Variants in FRAS1 observed in about 807,000 individuals in gnomAD.
FRAS1 encodes the protein Fraser extracellular matrix complex subunit 1, also known as extracellular matrix organizing protein FRAS1.
Under a neutral mutation model 435.2 loss-of-function variants are expected in FRAS1, and 290 were observed. The ratio of observed to expected loss-of-function variants is 0.67; its 90% CI spans 0.61 to 0.73. FRAS1 has a LOEUF of 0.73. Among genes scored for constraint, FRAS1 ranks in the 30% least tolerant of loss-of-function variants. The probability of loss-of-function intolerance (pLI) is 0.00; values close to 1 mark genes in which losing one functional copy is unlikely to be tolerated. For synonymous variants in FRAS1, 1,800 were observed against 1,851.0 expected, an observed-to-expected ratio of 0.97 and a Z score of 0.71; for missense variants, 4,860 against 5,001.5, an observed-to-expected ratio of 0.97 and a Z score of 0.85.
chr4:78,163,921 AT>A (rs1578161438), intron 2 of FRAS1, among the ~76,000 whole-genome samples: 1 of 152,296 alleles, frequency 6.6e-6, no homozygotes. Flanking sequence ...TCTGACAAAG[AT>A]GGTAGCAGAA....
At chr4:78,140,969 G>T (rs1296067801) in intron 2 of FRAS1, among the ~76,000 whole-genome samples, 1 of 152,096 alleles carries the variant, frequency 6.6e-6, no homozygotes, top group African/African-American at 2.4e-5. Context: ...ATGATAAAAG[G>T]TGGGTGATGG....
At position 78,475,079 on chromosome 4, in the gene FRAS1, C is replaced by T. The variant is rs144329530; in HGVS notation, c.7683-359C>T. On this transcript the variant is annotated intron_variant, in intron 53 of 73. Coordinates refer to ENST00000512123, the MANE Select transcript of FRAS1 (RefSeq NM_025074.7). ...AGAGCAGCTTTCTTCCCTAAGAACC[C>T]ACTGACCTATTGTGATTACTCAACC... 1.2e-3 allele frequency among the ~76,000 whole-genome samples: 182 copies of T among 152,258 alleles called. 6 individuals carry two copies. In the East Asian group the frequency reaches 0.03, roughly 25 times the overall value.
At chr4:78,180,265 C>CAT (rs1259107579) in intron 2 of FRAS1, among the ~76,000 whole-genome samples, 2 of 151,514 alleles carry the variant, frequency 1.3e-5, no homozygotes, top group Admixed American at 6.6e-5. Flanking sequence ...AAAGATTTAG[C>CAT]ATATATATAT....
intron 2 of FRAS1, among the ~76,000 whole-genome samples, chr4:78,140,729 A>G (rs1560546161): frequency 6.7e-6 from 1 of 149,096 alleles, no homozygotes; most frequent in Admixed American, 6.7e-5. Context: ...ATATGTATAT[A>G]CGTGTGTGTA....
chr4:78,395,161 A>C (rs1157243418), intron 29 of FRAS1, among the ~76,000 whole-genome samples: 1 of 151,890 alleles, frequency 6.6e-6, no homozygotes, highest in Non-Finnish European at 1.5e-5. Flanking sequence ...CTTCCTTTCC[A>C]ATTTGGATAC....
At chr4:78,183,639 T>C (rs188963499) in intron 2 of FRAS1, among the ~76,000 whole-genome samples, 1 of 152,280 alleles carries the variant, frequency 6.6e-6, no homozygotes, top group African/African-American at 2.4e-5. Flanking sequence ...GCTAAAGAAG[T>C]GCAGGCTTCT....
chr4:78,240,841 A>G (rs966213763), intron 3 of FRAS1, among the ~76,000 whole-genome samples: 4 of 152,226 alleles, frequency 2.6e-5, no homozygotes, highest in African/African-American at 7.2e-5. Flanking sequence ...TTGAGAAGCC[A>G]TGGTCAGAGG....
At chr4:78,403,502 G>T (rs1732981633) in intron 30 of FRAS1, among the ~76,000 whole-genome samples, 1 of 152,122 alleles carries the variant, frequency 6.6e-6, no homozygotes, top group Admixed American at 6.6e-5. Context: ...AAATCTGCTT[G>T]CATCTATCAG....
intron 2 of FRAS1, among the ~76,000 whole-genome samples, chr4:78,130,093 C>T (rs968181390): frequency 1.3e-5 from 2 of 152,138 alleles, no homozygotes; most frequent in Non-Finnish European, 2.9e-5. Context: ...TACTTTTCCC[C>T]CACCCTTAAA....
Position 78,387,426 on chromosome 4 carries a change from G to T in FRAS1, c.3700G>T (p.Ala1234Ser). The change falls in exon 29 of 74, where the codon GCA becomes TCA. Residue 1234 changes from alanine (A) to serine (S), a missense_variant. Transcript: ENST00000512123. ...EVLHISRGER[A>S]TITTQMLDIR... is the part of the protein sequence containing the mutation. ...TCTCCACATTAGCAGAGGAGAGAGG[G>T]CAACCATCACCACCCAGATGCTTGA... 1 of 1,613,392 alleles carries T rather than the reference G, an allele frequency of 6.2e-7. No homozygotes were observed. Among genetic ancestry groups the T allele is most frequent in the Non-Finnish European group, 8.5e-7 (1 of 1,179,624 alleles).
At chr4:78,468,485 A>ACATCATCATCATCAT (rs11267487) in intron 50 of FRAS1, among the ~76,000 whole-genome samples, 28,744 of 150,056 alleles carry the variant, frequency 0.19, 3,266 homozygotes, top group Admixed American at 0.25. Context: ...GAAGCTGTAA[A>ACATCATCATCATCAT]CATCATCATC....
intron 7 of FRAS1, among the ~76,000 whole-genome samples, chr4:78,266,160 T>G (rs1726343353): frequency 6.6e-6 from 1 of 152,192 alleles, no homozygotes; most frequent in African/African-American, 2.4e-5. Flanking sequence ...CTGCAGGGTT[T>G]CTCAATTCAG....
rs1036357322 is a variant in FRAS1, at chr4:78,278,859, G to A, written c.1071+115G>A. ...ATTCATTTGTTCAACAAATGTTATTGTGCACCTACTGTACAACAGGCTCTG... is the reference window on the plus strand; with the variant it reads ...ATTCATTTGTTCAACAAATGTTATTATGCACCTACTGTACAACAGGCTCTG... On this transcript the variant is annotated intron_variant, in intron 10 of 73. Coordinates refer to ENST00000512123, the MANE Select transcript of FRAS1 (RefSeq NM_025074.7). 3.1e-5 allele frequency: 21 copies of A among 681,498 alleles called. No homozygotes were observed. In the East Asian group the frequency reaches 5.8e-4, roughly 19 times the overall value. 42.2% of individuals were successfully genotyped at this position (681,498 alleles called of 1,614,324 possible). A position where few individuals can be genotyped will look rare whatever the true frequency, so the allele number is the denominator to read the frequency against.
rs139737710 is a variant in FRAS1 at position 78,354,278 on chromosome 4, G to A, written c.2423-9235G>A. 1.8e-3 allele frequency among the ~76,000 whole-genome samples: 272 copies of A among 152,222 alleles called. 3 individuals are homozygous for A. Among genetic ancestry groups the A allele is most frequent in the African/African-American group, 5.9e-3 (243 of 41,530 alleles). On this transcript the variant is annotated intron_variant, in intron 20 of 73. Coordinates refer to ENST00000512123, the MANE Select transcript of FRAS1 (RefSeq NM_025074.7). ...ATAACATGAAGGTCATTCTGTTGTC[G>A]TGTTTTATTTGGTTAGTTTTTTAAG...
At chr4:78,419,783 A>G (rs901261613) in intron 33 of FRAS1, among the ~76,000 whole-genome samples, 1 of 152,194 alleles carries the variant, frequency 6.6e-6, no homozygotes, top group African/African-American at 2.4e-5. Context: ...GAAACTTACA[A>G]TCATGGCGGA....
intron 41 of FRAS1, among the ~76,000 whole-genome samples, chr4:78,444,397 T>C (rs544541086): frequency 6.6e-6 from 1 of 151,898 alleles, no homozygotes; most frequent in African/African-American, 2.4e-5. Flanking sequence ...GAAAAAAAAA[T>C]GGTGTTGAGC....
At chr4:78,159,289 G>C (rs1721033440) in intron 2 of FRAS1, among the ~76,000 whole-genome samples, 2 of 152,166 alleles carry the variant, frequency 1.3e-5, no homozygotes, top group Non-Finnish European at 2.9e-5. Flanking sequence ...GGAAAATATA[G>C]AGGAAGTGAC....
At chr4:78,189,438 T>C (rs1406717548) in intron 2 of FRAS1, among the ~76,000 whole-genome samples, 5 of 152,360 alleles carry the variant, frequency 3.3e-5, no homozygotes, top group Middle Eastern at 3.4e-3. Flanking sequence ...CTTCTTGCAT[T>C]GTTCTTGGAA....
At chr4:78,373,333 C>T (rs2110309869) in intron 24 of FRAS1, among the ~76,000 whole-genome samples, 1 of 151,994 alleles carries the variant, frequency 6.6e-6, no homozygotes, top group East Asian at 1.9e-4. Context: ...CCCTGAAATT[C>T]CCATCAAAAG....
Sources: allele counts gnomAD v4.1 joint callset (sites outside exome capture counted in the v4.1 genomes callset), GRCh38; gene constraint gnomAD v4.1.1; transcripts MANE v1.5; gene names NCBI Gene and HGNC (gene_info 2026-07-23, HGNC 2026-07-21).